The following DNAH3 variants were observed in gnomAD, a reference collection of about 807,000 sequenced individuals.
The protein encoded by DNAH3 is axonemal beta dynein heavy chain 3.
DNAH3 carries 332 observed loss-of-function variants against 432.5 expected under a neutral mutation model. That is an observed-to-expected ratio of 0.77 (90% CI 0.70 to 0.84). The LOEUF is 0.84. Ranked by LOEUF, DNAH3 falls within the 40% of genes least tolerant of loss-of-function variation. The pLI, the probability that DNAH3 is intolerant of heterozygous loss-of-function variation, is 0.00. For synonymous variants in DNAH3, 1,956 were observed against 1,900.2 expected (o/e 1.03, Z -0.76); for missense variants, 4,861 against 5,114.0 (o/e 0.95, Z 1.51).
intron 9 of DNAH3, among the ~76,000 whole-genome samples, chr16:21,122,857 GC>G (rs980362830): frequency 6.6e-6 from 1 of 151,476 alleles, no homozygotes; most frequent in Non-Finnish European, 1.5e-5. Context: ...TCACTATGTT[GC>G]CCAGGCTGGT....
chr16:20,944,370 G>C, intron 58 of DNAH3, 126 bp downstream of exon 58: 7 of 1,093,816 alleles, frequency 6.4e-6, no homozygotes, highest in Non-Finnish European at 8.1e-6. Context: ...CTCCTTCCCT[G>C]CCCTTGGCCA....
At chr16:21,083,913 A>G (rs1012541830) in intron 19 of DNAH3, among the ~76,000 whole-genome samples, 1 of 152,130 alleles carries the variant, frequency 6.6e-6, no homozygotes, top group African/African-American at 2.4e-5. Flanking sequence ...TTAACTGCTC[A>G]GCCCACTGGG....
chr16:21,127,444 C>G (rs1334016503), intron 8 of DNAH3, among the ~76,000 whole-genome samples: 1 of 151,844 alleles, frequency 6.6e-6, no homozygotes, highest in Non-Finnish European at 1.5e-5. Context: ...ACCTGTAGTC[C>G]CAGCTACTGG....
intron 11 of DNAH3, among the ~76,000 whole-genome samples, chr16:21,117,576 T>C (rs2092235348): frequency 6.6e-6 from 1 of 152,192 alleles, no homozygotes. Flanking sequence ...GTCTTGTCCT[T>C]TGAGAGTCCC....
chr16:21,057,969 T>G (rs1019403896), intron 27 of DNAH3, 117 bp downstream of exon 27: 3 of 711,978 alleles, frequency 4.2e-6, no homozygotes, highest in Non-Finnish European at 7.6e-6. Context: ...ATGTCTGTGA[T>G]GCTGAGACCA....
At chr16:20,982,377 C>T (rs2085952137) in intron 49 of DNAH3, among the ~76,000 whole-genome samples, 1 of 152,036 alleles carries the variant, frequency 6.6e-6, no homozygotes, top group Non-Finnish European at 1.5e-5. Flanking sequence ...TAGAGCAAGA[C>T]TCCATCTCAA....
intron 54 of DNAH3, 68 bp downstream of exon 54, chr16:20,959,111 T>G: frequency 6.6e-7 from 1 of 1,519,918 alleles, no homozygotes; most frequent in South Asian, 1.1e-5. Context: ...CTTGGTCATC[T>G]TCCCAGCCAC....
In DNAH3 at chr16:21,062,699, G is replaced by A; in HGVS notation, c.3519-16C>T. On this transcript the variant is annotated splice_polypyrimidine_tract_variant and intron_variant, in intron 24 of 61. Coordinates refer to ENST00000261383, the Ensembl canonical transcript of DNAH3. The stretch of plus-strand genomic sequence containing the variant: ...GAAGAAGAATCTATTTCAAAGCAAA[G>A]AAAGATGGTAACTGGAACCTCTTCC... The A allele has an allele frequency of 6.2e-7, 1 of 1,602,756 alleles. No individual in the cohort carries two copies. Among genetic ancestry groups the A allele is most frequent in the Non-Finnish European group, 8.5e-7 (1 of 1,173,082 alleles).
chr16:21,103,353 G>T (rs993040239), intron 16 of DNAH3, among the ~76,000 whole-genome samples: 3 of 144,380 alleles, frequency 2.1e-5, no homozygotes, highest in African/African-American at 7.9e-5. Flanking sequence ...GGGTGTGTGT[G>T]TGGGGGGGGG....
intron 1 of DNAH3, among the ~76,000 whole-genome samples, chr16:21,153,708 A>C (rs1197686217): frequency 6.6e-6 from 1 of 152,094 alleles, no homozygotes. Flanking sequence ...CTCCGAACAC[A>C]TCCGAGCATC....
intron 54 of DNAH3, 108 bp from the exon 55 acceptor site, chr16:20,955,165 C>G (rs2084505797): frequency 9.2e-7 from 1 of 1,082,498 alleles, no homozygotes; most frequent in East Asian, 2.5e-5. Context: ...GCCTGGGTAA[C>G]ATGGTAAAAC....
chr16:21,029,087 A>T (rs1395096678), intron 37 of DNAH3, among the ~76,000 whole-genome samples: 1 of 152,226 alleles, frequency 6.6e-6, no homozygotes, highest in Non-Finnish European at 1.5e-5. Flanking sequence ...GCAGAGGAAA[A>T]CCATTAGGAA....
At chr16:20,936,797 T>G in exon 60 of DNAH3, 1 of 1,613,662 alleles carries the variant, frequency 6.2e-7, no homozygotes, top group Non-Finnish European at 8.5e-7. Context: ...CATCAGGACC[T>G]GTCCTTTGAT....
chr16:21,050,667 C>G (rs2089917534), intron 29 of DNAH3, among the ~76,000 whole-genome samples: 1 of 152,200 alleles, frequency 6.6e-6, no homozygotes, highest in Non-Finnish European at 1.5e-5. Flanking sequence ...TGGTCTCAAA[C>G]TTCTGGGATC....
chr16:21,152,421 G>A (rs1222526304), intron 1 of DNAH3, among the ~76,000 whole-genome samples: 1 of 152,216 alleles, frequency 6.6e-6, no homozygotes, highest in East Asian at 1.9e-4. Context: ...ATAGTGAGAG[G>A]TGACAGCGTG....
chr16:21,062,344 A>G, intron 25 of DNAH3, 138 bp downstream of exon 25: 6 of 673,150 alleles, frequency 8.9e-6, no homozygotes, highest in Non-Finnish European at 1.5e-5. Context: ...ACTTCCCCAA[A>G]TCTTCAGTCG....
chr16:21,064,368 T>TGAGGCCAGAAGAACCACCCAGCC (rs1273082138), intron 24 of DNAH3, among the ~76,000 whole-genome samples: 9 of 152,200 alleles, frequency 5.9e-5, no homozygotes, highest in Admixed American at 3.9e-4. Context: ...TGAGCCCCAG[T>TGAGGCCAGAAGAACCACCCAGCC]GAGGCCAGAA....
Position 21,061,224 on chromosome 16 carries a change from G to A in DNAH3, c.3721-868C>T, listed in dbSNP as rs186057941. On this transcript the variant is annotated intron_variant, in intron 25 of 61. Coordinates refer to ENST00000261383, the Ensembl canonical transcript of DNAH3. ...AGAAGCATATGCCTTCTAAAGGGGC[G>A]ATAGGCCTTTTTTTTTTTTTTTTTT... Among the ~76,000 whole-genome samples, 371 of 140,654 alleles carry A rather than the reference G, an allele frequency of 2.6e-3. 11 individuals carry two copies. Among genetic ancestry groups the A allele is most frequent in the South Asian group, 2.7e-3 (12 of 4,400 alleles). 92.3% of individuals were successfully genotyped at this position (140,654 alleles called of 152,430 possible). A position where few individuals can be genotyped will look rare whatever the true frequency, so the allele number is the denominator to read the frequency against.
At chr16:21,132,975 C>T (rs1170233960) in intron 7 of DNAH3, among the ~76,000 whole-genome samples, 4 of 148,474 alleles carry the variant, frequency 2.7e-5, no homozygotes, top group South Asian at 2.1e-4. Context: ...TTTTTTGAGA[C>T]GGAGTTTCGC....
Sources: allele counts gnomAD v4.1 joint callset (sites outside exome capture counted in the v4.1 genomes callset), GRCh38; gene constraint gnomAD v4.1.1; transcripts MANE v1.5; gene names NCBI Gene and HGNC (gene_info 2026-07-23, HGNC 2026-07-21).